Variants in MYO1H observed in about 807,000 individuals in gnomAD.
MYO1H encodes myosin IH, also known as unconventional myosin-Ih.
MYO1H carries 118 observed loss-of-function variants against 149.3 expected under a neutral mutation model. The observed-to-expected ratio is 0.79, with a 90% CI of 0.68 to 0.92. The LOEUF is 0.92. Ranked by LOEUF, MYO1H falls within the 40% of genes least tolerant of loss-of-function variation. The pLI is 0.00. For synonymous variants in MYO1H, 447 were observed against 465.2 expected (o/e 0.96, Z 0.50); for missense variants, 1,212 against 1,280.7 (o/e 0.95, Z 0.82).
the MYO1H span, among the ~76,000 whole-genome samples, chr12:109,331,330 A>G: frequency 1.3e-5 from 2 of 152,348 alleles, no homozygotes; most frequent in African/African-American, 4.8e-5. Flanking sequence ...CATGCTCTTC[A>G]TCCCACCACA....
At chr12:109,383,070 A>G (rs1550206) in intron 1 of MYO1H, among the ~76,000 whole-genome samples, 75,854 of 151,648 alleles carry the variant, frequency 0.5, 19,645 homozygotes, top group African/African-American at 0.62. Flanking sequence ...TTCTGCCCTA[A>G]GCTTTCCCCA....
the MYO1H span, among the ~76,000 whole-genome samples, chr12:109,338,269 C>A: frequency 6.6e-6 from 1 of 152,028 alleles, no homozygotes; most frequent in African/African-American, 2.4e-5. Flanking sequence ...CCTCATCAGA[C>A]GAGACACTTT....
At chr12:109,361,914 CTGT>C (rs1289446126) in intron 1 of MYO1H, among the ~76,000 whole-genome samples, 1 of 151,856 alleles carries the variant, frequency 6.6e-6, no homozygotes, top group Non-Finnish European at 1.5e-5. Flanking sequence ...AAGGGAGGCC[CTGT>C]TGTTGTTAAT....
chr12:109,412,122 G>T (rs1870702908), intron 14 of MYO1H, 137 bp downstream of exon 14: 1 of 573,170 alleles, frequency 1.7e-6, no homozygotes, highest in African/African-American at 1.9e-5. Flanking sequence ...ACTCATAGAT[G>T]TGCCAGACCT....
intron 1 of MYO1H, among the ~76,000 whole-genome samples, chr12:109,381,229 C>T (rs1869199174): frequency 6.6e-6 from 1 of 151,954 alleles, no homozygotes; most frequent in Non-Finnish European, 1.5e-5. Context: ...AGCAAGAAAG[C>T]TCATAAAGAC....
intron 19 of MYO1H, among the ~76,000 whole-genome samples, chr12:109,428,175 T>TCAAGGG (rs1292670818): frequency 6.6e-6 from 1 of 150,862 alleles, no homozygotes; most frequent in African/African-American, 2.4e-5. Context: ...CTGTTTACAG[T>TCAAGGG]CAAGGGCAAG....
At chr12:109,332,968 A>C in the MYO1H span, among the ~76,000 whole-genome samples, 1 of 152,152 alleles carries the variant, frequency 6.6e-6, no homozygotes, top group Non-Finnish European at 1.5e-5. Flanking sequence ...AGGTCGACAT[A>C]ATTTGTATTA....
chr12:109,316,483 C>T, the MYO1H span, among the ~76,000 whole-genome samples: 2 of 152,132 alleles, frequency 1.3e-5, no homozygotes, highest in Non-Finnish European at 2.9e-5. Flanking sequence ...GAAACCAGGG[C>T]GTATAAACTT....
chr12:109,396,044 G>A lies in MYO1H; in HGVS notation c.291-340G>A, dbSNP rs141807145. 2.1e-3 allele frequency among the ~76,000 whole-genome samples: 319 copies of A among 151,894 alleles called. 5 individuals are homozygous for A. The highest frequency in any genetic ancestry group is 6.4e-3 in the African/African-American group (266 of 41,420). Reference sequence around the variant, plus strand: ...AGCAATTCTCCTGCCTCAGCCTCCCGAGTAGCTGGGATTACAAGCATGCAC... The same window carrying A: ...AGCAATTCTCCTGCCTCAGCCTCCCAAGTAGCTGGGATTACAAGCATGCAC... On this transcript the variant is annotated intron_variant, in intron 3 of 31. Coordinates refer to ENST00000310903, the Ensembl canonical transcript of MYO1H.
At chr12:109,409,250 T>TC (rs1870554521) in intron 10 of MYO1H, among the ~76,000 whole-genome samples, 155 of 60,872 alleles carry the variant, frequency 2.5e-3, no homozygotes, top group Middle Eastern at 7.6e-3. Context: ...CTTCTTCTTT[T>TC]TTTTTTTTTT....
the MYO1H span, among the ~76,000 whole-genome samples, chr12:109,325,362 G>A: frequency 6.6e-6 from 1 of 152,178 alleles, no homozygotes. Context: ...AATAAATGGT[G>A]CTGGGAAAAC....
intron 6 of MYO1H, among the ~76,000 whole-genome samples, chr12:109,403,470 C>T (rs1294441736): frequency 6.6e-6 from 1 of 152,140 alleles, no homozygotes; most frequent in African/African-American, 2.4e-5. Context: ...TTCTGGAGTT[C>T]ATGGGGAAAA....
rs536449718 is a variant in MYO1H, at chr12:109,385,169, CA to C, written c.13-3512del. 1.7e-4 allele frequency among the ~76,000 whole-genome samples: 26 copies of C among 152,230 alleles called. 2 individuals are homozygous for C. In the South Asian group the frequency reaches 5.4e-3, roughly 32 times the overall value. ...CTCCCAAGATTATACTGCCAGGAAG[CA>C]ACAGAGATAGGATTTGAACTTGGAA... On this transcript the variant is annotated intron_variant, in intron 1 of 31. Coordinates refer to ENST00000310903, the Ensembl canonical transcript of MYO1H.
chr12:109,360,487 T>C (rs1323412334), intron 1 of MYO1H, among the ~76,000 whole-genome samples: 3 of 152,170 alleles, frequency 2.0e-5, no homozygotes, highest in Non-Finnish European at 4.4e-5. Context: ...CTAATAATAT[T>C]GAGGACTGAA....
chr12:109,339,429 A>T, the MYO1H span, among the ~76,000 whole-genome samples: 10 of 152,360 alleles, frequency 6.6e-5, no homozygotes, highest in African/African-American at 2.4e-4. Flanking sequence ...TTAAAAGACT[A>T]CAGAGAATAT....
At chr12:109,427,671 C>T (rs745689104) in intron 19 of MYO1H, 85 bp downstream of exon 19, 47 of 952,772 alleles carry the variant, frequency 4.9e-5, no homozygotes, top group Non-Finnish European at 8.0e-5. Flanking sequence ...AATAAAATGG[C>T]ATCCCTTAGG....
intron 1 of MYO1H, among the ~76,000 whole-genome samples, chr12:109,355,819 T>C (rs2136999722): frequency 6.6e-6 from 1 of 151,552 alleles, no homozygotes; most frequent in East Asian, 2.0e-4. Flanking sequence ...CTCTGACTCC[T>C]GCCTCAGCCT....
At chr12:109,323,076 C>T in the MYO1H span, among the ~76,000 whole-genome samples, 3 of 152,172 alleles carry the variant, frequency 2.0e-5, no homozygotes, top group South Asian at 6.2e-4. Context: ...CACTGCACTC[C>T]AACCTGGGCG....
chr12:109,409,650 C>T, intron 11 of MYO1H, 26 bp downstream of exon 11: 5 of 1,557,786 alleles, frequency 3.2e-6, no homozygotes, highest in Non-Finnish European at 4.4e-6. Context: ...ACCTACCTAT[C>T]TGTCTTTTGC....
Sources: gnomAD v4.1 joint callset for allele counts (sites outside exome capture counted in the v4.1 genomes callset) on GRCh38, gnomAD v4.1.1 for gene constraint, MANE v1.5 for transcripts, NCBI Gene and HGNC (gene_info 2026-07-23, HGNC 2026-07-21) for gene names.